The following SEC24C variants were observed in gnomAD, a reference collection of about 807,000 sequenced individuals.
SEC24C encodes SEC24 homolog C, COPII component.
SEC24C carries 22 observed loss-of-function variants against 117.0 expected under a neutral mutation model. That is an observed-to-expected ratio of 0.19 (90% CI 0.13 to 0.27). The LOEUF (loss-of-function observed/expected upper bound fraction) is 0.27, where lower values mean the gene tolerates loss of function less well. SEC24C is among the 10% of genes least tolerant of loss of function. The pLI, the probability that SEC24C is intolerant of heterozygous loss-of-function variation, is 1.00. For missense variants in SEC24C, 1,155 were observed against 1,375.1 expected (o/e 0.84, Z 2.53); for synonymous variants, 506 against 529.4 (o/e 0.96, Z 0.61).
chr10:73,768,955 G>A, intron 16 of SEC24C, 49 bp downstream of exon 16: 2 of 1,614,128 alleles, frequency 1.2e-6, no homozygotes, highest in Non-Finnish European at 1.7e-6. Flanking sequence ...TGGAAGGGAG[G>A]CATGTGGCAC....
At position 73,766,116 on chromosome 10, in the gene SEC24C, A is replaced by G; in HGVS notation, c.1513A>G (p.Ile505Val). 1 of 1,613,466 alleles carries G rather than the reference A, an allele frequency of 6.2e-7. No individual in the cohort carries two copies. The highest frequency in any genetic ancestry group is 1.1e-5 in the South Asian group (1 of 91,076). Reference protein sequence around the residue: ...NNKFPSPPAFIFMIDVSYNAI... With the variant: ...NNKFPSPPAFVFMIDVSYNAI... Reference sequence around the variant, plus strand: ...TAAGTTCCCCAGCCCTCCTGCCTTTATCTTCATGATTGACGTCTCCTACAA... The same window carrying G: ...TAAGTTCCCCAGCCCTCCTGCCTTTGTCTTCATGATTGACGTCTCCTACAA... Residue 505 changes from isoleucine to valine, a missense_variant, in exon 11 of 23, where the codon ATC becomes GTC. By Grantham distance (29) the Ile-to-Val change is conservative. Around this residue, in one of 2 missense-constraint regions of SEC24C, gnomAD observed 759 missense variants for 992.3 expected, o/e 0.76. Transcript: ENST00000345254.
At chr10:73,762,462 C>T (rs1028807108) in intron 6 of SEC24C, among the ~76,000 whole-genome samples, 5 of 152,116 alleles carry the variant, frequency 3.3e-5, no homozygotes, top group Admixed American at 2.0e-4. Context: ...CTGGCACCTC[C>T]AGGAGCCTGC....
At position 73,768,926 on chromosome 10, in the gene SEC24C, C is replaced by G. The variant is rs2082927785; in HGVS notation, c.2278+20C>G. 6.2e-7 allele frequency: 1 copy of G among 1,614,036 alleles called. No homozygotes were observed. The highest frequency in any genetic ancestry group is 8.5e-7 in the Non-Finnish European group (1 of 1,180,024). ...GCACTGGTCAGTCCTGATTGAAGAG[C>G]AGGTTGGGGGGCTAAATATGGAAGG... On this transcript the variant is annotated intron_variant, in intron 16 of 22. Transcript: ENST00000345254.
At chr10:73,755,835 A>G (rs1427414781) in intron 3 of SEC24C, among the ~76,000 whole-genome samples, 1 of 151,972 alleles carries the variant, frequency 6.6e-6, no homozygotes, top group Non-Finnish European at 1.5e-5. Flanking sequence ...AGTTTTAGAG[A>G]CCAAGTGAGG....
chr10:73,752,158 G>A (rs553832836), intron 3 of SEC24C: 6 of 151,820 alleles, frequency 4.0e-5, no homozygotes, highest in Admixed American at 1.3e-4. Context: ...GTCTCACTCC[G>A]TGGCCCAAGC....
At chr10:73,756,383 C>T (rs377747552) in intron 3 of SEC24C, among the ~76,000 whole-genome samples, 5 of 151,922 alleles carry the variant, frequency 3.3e-5, no homozygotes, top group South Asian at 2.1e-4. Context: ...AAAGTCTGCA[C>T]GCTGGAAAGG....
At chr10:73,770,922 C>T (rs764830955) in intron 22 of SEC24C, 33 bp from the exon 23 acceptor site, 1 of 1,613,960 alleles carries the variant, frequency 6.2e-7, no homozygotes. Flanking sequence ...TTTCCTTTGG[C>T]CTTGCCTTAT....
chr10:73,754,744 A>G (rs1012712727), intron 3 of SEC24C, among the ~76,000 whole-genome samples: 2 of 152,222 alleles, frequency 1.3e-5, no homozygotes. Context: ...ACTAGATGAA[A>G]TCATTTAAAA....
At chr10:73,764,032 AG>A (rs2082841760) in intron 8 of SEC24C, 49 bp downstream of exon 8, 1 of 1,538,712 alleles carries the variant, frequency 6.5e-7, no homozygotes, top group Non-Finnish European at 8.8e-7. Context: ...GGAGGTAGAG[AG>A]GGGTCTAAAG....
At position 73,769,525 on chromosome 10, in the gene SEC24C, A is replaced by T; in HGVS notation, c.2563+40A>T. On this transcript the variant is annotated intron_variant, in intron 18 of 22. Transcript: ENST00000345254. The surrounding 1 kb of genome is among the most constrained non-coding windows in gnomAD (Gnocchi z 4.5). ...AGGGCAGGGTGGGATTGGGGCTGAG[A>T]GGTCCAGGATGGTGAGTGGGTAGTT... 2 of 1,613,958 alleles carry T rather than the reference A, an allele frequency of 1.2e-6. No homozygotes were observed. The highest frequency in any genetic ancestry group is 1.7e-6 in the Non-Finnish European group (2 of 1,179,892).
intron 20 of SEC24C, 45 bp downstream of exon 20, chr10:73,770,060 G>C (rs750876095): frequency 1.3e-6 from 2 of 1,570,468 alleles, no homozygotes; most frequent in South Asian, 2.2e-5. Flanking sequence ...GGAGCAAAGG[G>C]CCTCTTAGGA....
At position 73,746,847 on chromosome 10, in the gene SEC24C, G is replaced by A. The variant is rs753372960; in HGVS notation, c.15G>A (p.Gln5=). The change falls in exon 2 of 23, where the codon CAG becomes CAA. Residue 5 remains glutamine, a synonymous_variant. Coordinates refer to ENST00000345254, the MANE Select transcript of SEC24C (RefSeq NM_198597.3). MNVN[Q]SVPPVPPFGQ... ...ATGCTTTCATAATGAACGTCAACCA[G>A]TCAGTTCCACCTGTGCCACCATTTG... The A allele has an allele frequency of 6.2e-7, 1 of 1,608,544 alleles. No individual in the cohort carries two copies. The highest frequency in any genetic ancestry group is 8.5e-7 in the Non-Finnish European group (1 of 1,177,278).
Position 73,765,809 on chromosome 10 carries a change from A to C in SEC24C, c.1376A>C (p.Gln459Pro), listed in dbSNP as rs772423989. 24 of 1,613,606 alleles carry C rather than the reference A, an allele frequency of 1.5e-5. No homozygotes were observed. Among genetic ancestry groups the C allele is most frequent in the Non-Finnish European group, 1.9e-5 (22 of 1,179,654 alleles). Reference sequence around the variant, plus strand: ...GCCATGCTTCCCACAGTTCCCCCCCAGTATTTTCAGCACCTGGATCATACC... The same window carrying C: ...GCCATGCTTCCCACAGTTCCCCCCCCGTATTTTCAGCACCTGGATCATACC... ...FCSCINDVPP[Q>P]YFQHLDHTGK... The change falls in exon 10 of 23, where the codon CAG becomes CCG. Residue 459 changes from glutamine to proline, a missense_variant. By Grantham distance (76) the Gln-to-Pro change is moderately conservative. This residue lies in a region of SEC24C where 759 missense variants were observed against 992.3 expected (regional missense o/e 0.76). Transcript: ENST00000345254.
Position 73,770,394 on chromosome 10 carries a change from G to A in SEC24C, c.2977G>A (p.Val993Met), listed in dbSNP as rs762019151. Reference protein sequence around the residue: ...LENGLNLFLWVGASVQQGVVQ... With the variant: ...LENGLNLFLWMGASVQQGVVQ... ...GAATGGGCTCAACCTCTTCCTCTGG[G>A]TGGGAGCAAGCGTCCAACAGGGTGT... Residue 993 changes from valine (V) to methionine (M), a missense_variant, in exon 21 of 23, where the codon GTG becomes ATG. Around this residue, in one of 2 missense-constraint regions of SEC24C, gnomAD observed 759 missense variants for 992.3 expected, o/e 0.76. Coordinates refer to ENST00000345254, the MANE Select transcript of SEC24C (RefSeq NM_198597.3). 6.2e-7 allele frequency: 1 copy of A among 1,614,020 alleles called. No homozygotes were observed. Among genetic ancestry groups the A allele is most frequent in the Non-Finnish European group, 8.5e-7 (1 of 1,179,982 alleles).
chr10:73,751,453 G>A (rs1160579607), intron 3 of SEC24C, among the ~76,000 whole-genome samples: 1 of 152,142 alleles, frequency 6.6e-6, no homozygotes, highest in Non-Finnish European at 1.5e-5. Context: ...CCCAGACTTG[G>A]GAGGCTGAGG....
At chr10:73,745,416 T>C (rs989115066) in intron 1 of SEC24C, among the ~76,000 whole-genome samples, 3 of 151,464 alleles carry the variant, frequency 2.0e-5, no homozygotes, top group African/African-American at 2.4e-5. Flanking sequence ...AGGTGAATGA[T>C]TTTTTTCCAT....
chr10:73,763,775 T>C, intron 7 of SEC24C, 81 bp from the exon 8 acceptor site: 5 of 1,508,030 alleles, frequency 3.3e-6, no homozygotes, highest in Non-Finnish European at 1.8e-6. Flanking sequence ...TTTGTGGAGT[T>C]GATGGTGTGG....
chr10:73,758,643 A>T (rs926421484), intron 3 of SEC24C, among the ~76,000 whole-genome samples: 4 of 152,228 alleles, frequency 2.6e-5, no homozygotes, highest in African/African-American at 7.2e-5. Context: ...ACTTTTCATT[A>T]GAATAGAATC....
In SEC24C at chr10:73,771,094, A is replaced by G. The variant is rs1320821185; in HGVS notation, c.3284A>G (p.Ter1095=). The G allele has an allele frequency of 1.2e-6, 2 of 1,613,712 alleles. No homozygotes were observed. Among genetic ancestry groups the G allele is most frequent in the Admixed American group, 3.3e-5 (2 of 59,984 alleles). ...MHKEIRQLLS[*] ...AAGGAGATTCGGCAGCTACTGAGCT[A>G]AAGCAAGTGGGTAAATGGCATAGGG... Residue 1095 remains the stop codon, a stop_retained_variant, in exon 23 of 23, where the codon TAA becomes TGA. Transcript: ENST00000345254.
Sources: gnomAD v4.1 joint callset for allele counts (sites outside exome capture counted in the v4.1 genomes callset) on GRCh38, gnomAD v4.1.1 for gene constraint, gnomAD v4.1.1 regional missense constraint, Gnocchi (gnomAD v3.1) non-coding constraint, MANE v1.5 for transcripts, NCBI Gene and HGNC (gene_info 2026-07-23, HGNC 2026-07-21) for gene names.